Variants in ANO2 observed in about 807,000 individuals in gnomAD.
ANO2 encodes anoctamin-2.
A neutral mutation model predicts 124.2 loss-of-function variants in ANO2; 101 were observed. That is an observed-to-expected ratio of 0.81 (90% CI 0.69 to 0.96). ANO2 has a LOEUF of 0.96. Ranked by LOEUF, ANO2 falls within the 40% of genes least tolerant of loss-of-function variation. The pLI is 0.00. For missense variants in ANO2, 1,293 were observed against 1,274.5 expected, an observed-to-expected ratio of 1.01 and a Z score of -0.22; for synonymous variants, 486 against 482.5, an observed-to-expected ratio of 1.01 and a Z score of -0.09.
intron 14 of ANO2, among the ~76,000 whole-genome samples, chr12:5,675,006 T>A (rs1948171207): frequency 2.0e-5 from 3 of 152,134 alleles, no homozygotes; most frequent in Admixed American, 2.0e-4. Context: ...TCTGCAGCCT[T>A]ACTGGAATGA....
Position 5,854,103 on chromosome 12 carries a change from G to A in ANO2, c.573C>T (p.Ala191=). 1.2e-6 allele frequency: 2 copies of A among 1,613,488 alleles called. No individual in the cohort carries two copies. The highest frequency in any genetic ancestry group is 1.7e-6 in the Non-Finnish European group (2 of 1,179,616). The stretch of plus-strand genomic sequence containing the variant: ...CCTCTCTGGCCAGCACCTGCCACGG[G>A]GCGTGTATCCGGACAAAGATGGATC... ...SQGSIFVRIH[A]PWQVLAREAE... is the part of the protein sequence containing the mutation. Residue 191 remains alanine (A), a synonymous_variant, in exon 4 of 25, where the codon GCC becomes GCT. Transcript: ENST00000682330.
At chr12:5,848,980 C>A (rs1339538767) in intron 4 of ANO2, among the ~76,000 whole-genome samples, 1 of 152,188 alleles carries the variant, frequency 6.6e-6, no homozygotes, top group East Asian at 1.9e-4. Flanking sequence ...CACCTCTTCC[C>A]TCCACAATGT....
intron 1 of ANO2, among the ~76,000 whole-genome samples, chr12:5,929,872 T>C (rs796870017): frequency 1.4e-5 from 2 of 145,704 alleles, no homozygotes; most frequent in African/African-American, 2.6e-5. Flanking sequence ...GTCTGCCTTC[T>C]TTCCTTATTA....
At chr12:5,644,489 G>A (rs543503683) in intron 15 of ANO2, among the ~76,000 whole-genome samples, 4 of 151,808 alleles carry the variant, frequency 2.6e-5, no homozygotes, top group East Asian at 1.9e-4. Context: ...TCAGTTTATC[G>A]ACTGGACAAT....
chr12:5,886,147 G>A (rs887381431), intron 3 of ANO2, among the ~76,000 whole-genome samples: 10 of 152,166 alleles, frequency 6.6e-5, no homozygotes, highest in African/African-American at 2.4e-4. Flanking sequence ...AAAGCAGAGA[G>A]GAAAAGTAGA....
At chr12:5,563,827 A>C (rs1055471825) in intron 24 of ANO2, among the ~76,000 whole-genome samples, 1 of 152,062 alleles carries the variant, frequency 6.6e-6, no homozygotes, top group Non-Finnish European at 1.5e-5. Context: ...ACAGAGCAGG[A>C]CTCCATCAGT....
At chr12:5,879,906 C>G (rs1030325351) in intron 3 of ANO2, among the ~76,000 whole-genome samples, 1 of 152,170 alleles carries the variant, frequency 6.6e-6, no homozygotes, top group East Asian at 1.9e-4. Context: ...ATGGCTTAAT[C>G]AGATTTGCAT....
chr12:5,862,374 A>C lies in ANO2; in HGVS notation c.535-8233T>G, dbSNP rs1314721326. Among the ~76,000 whole-genome samples, 2 of 152,222 alleles carry C rather than the reference A, an allele frequency of 1.3e-5. No individual in the cohort carries two copies. Among genetic ancestry groups the C allele is most frequent in the Non-Finnish European group, 2.9e-5 (2 of 68,044 alleles). On this transcript the variant is annotated intron_variant, in intron 3 of 24. Coordinates refer to ENST00000682330, the MANE Select transcript of ANO2 (RefSeq NM_001364791.2). This position sits in a 1 kb window ranked among gnomAD's most constrained non-coding sequence, Gnocchi z 4.0. The stretch of plus-strand genomic sequence containing the variant: ...TGGTTCCCAACCAACGACCAGGGAC[A>C]ACCCAGGGTCCTATGGACATGAAAA...
chr12:5,773,858 T>C (rs150082438), intron 10 of ANO2, among the ~76,000 whole-genome samples: 10 of 152,278 alleles, frequency 6.6e-5, no homozygotes, highest in African/African-American at 2.2e-4. Flanking sequence ...ACAACTGTCA[T>C]ACAATGGCCC....
intron 3 of ANO2, among the ~76,000 whole-genome samples, chr12:5,874,026 T>TAC (rs1200851034): frequency 6.6e-6 from 1 of 152,216 alleles, no homozygotes; most frequent in Non-Finnish European, 1.5e-5. Context: ...TCAGTGCTTT[T>TAC]ACACACATCT....
intron 13 of ANO2, among the ~76,000 whole-genome samples, chr12:5,736,708 G>T (rs1044489797): frequency 6.6e-6 from 1 of 152,108 alleles, no homozygotes; most frequent in Admixed American, 6.5e-5. Flanking sequence ...TTAGCAATCA[G>T]GACCCTCCCT....
At chr12:5,669,381 C>A (rs552592106) in intron 14 of ANO2, among the ~76,000 whole-genome samples, 1 of 152,126 alleles carries the variant, frequency 6.6e-6, no homozygotes, top group East Asian at 1.9e-4. Flanking sequence ...GACTTTTGCA[C>A]ATTGATTGTG....
At chr12:5,771,282 T>G (rs539929030) in intron 10 of ANO2, among the ~76,000 whole-genome samples, 2 of 152,174 alleles carry the variant, frequency 1.3e-5, no homozygotes, top group Non-Finnish European at 2.9e-5. Flanking sequence ...TCAGAGAGAT[T>G]GAGTAAATTA....
intron 14 of ANO2, among the ~76,000 whole-genome samples, chr12:5,665,933 A>C (rs1323105701): frequency 6.6e-6 from 1 of 152,136 alleles, no homozygotes; most frequent in Non-Finnish European, 1.5e-5. Flanking sequence ...ATTAACGCAC[A>C]GAAGTGGCTG....
chr12:5,733,301 C>T, intron 13 of ANO2: 1 of 269,886 alleles, frequency 3.7e-6, no homozygotes, highest in Non-Finnish European at 7.3e-6. Context: ...AGTTGTGAGT[C>T]ACCAGGCATG....
intron 11 of ANO2, among the ~76,000 whole-genome samples, chr12:5,749,563 T>C (rs1253927448): frequency 6.6e-6 from 1 of 152,224 alleles, no homozygotes; most frequent in East Asian, 1.9e-4. Flanking sequence ...ATAATAAATT[T>C]TCTTTTTCAC....
chr12:5,680,935 T>G (rs1361595833), intron 14 of ANO2, among the ~76,000 whole-genome samples: 1 of 152,176 alleles, frequency 6.6e-6, no homozygotes, highest in Non-Finnish European at 1.5e-5. Flanking sequence ...AGCCTCTGCA[T>G]GACAGACCTG....
chr12:5,866,177 C>A (rs1955422596), intron 3 of ANO2, among the ~76,000 whole-genome samples: 1 of 152,118 alleles, frequency 6.6e-6, no homozygotes, highest in Admixed American at 6.5e-5. Flanking sequence ...AAATAATGGC[C>A]AGGATTTCTA....
chr12:5,610,957 G>T (rs1944513657), intron 19 of ANO2, among the ~76,000 whole-genome samples: 1 of 119,632 alleles, frequency 8.4e-6, no homozygotes, highest in Non-Finnish European at 1.8e-5. Flanking sequence ...ACACATCCTG[G>T]AACAAACTTC....
Sources: gnomAD v4.1 joint callset for allele counts (sites outside exome capture counted in the v4.1 genomes callset) on GRCh38, gnomAD v4.1.1 for gene constraint, Gnocchi (gnomAD v3.1) non-coding constraint, MANE v1.5 for transcripts, NCBI Gene and HGNC (gene_info 2026-07-23, HGNC 2026-07-21) for gene names.